The following NHSL2 variants were observed in gnomAD, a reference collection of about 807,000 sequenced individuals.
NHSL2 encodes NHS like 2, also known as NHS-like protein 2.
Under a neutral mutation model 53.4 loss-of-function variants are expected in NHSL2, and 27 were observed. The ratio of observed to expected loss-of-function variants is 0.51; its 90% CI spans 0.37 to 0.70. The LOEUF (loss-of-function observed/expected upper bound fraction) is 0.70, where lower values mean the gene tolerates loss of function less well. NHSL2 is among the 30% of genes least tolerant of loss of function. The probability of loss-of-function intolerance (pLI) is 0.00; values close to 1 mark genes in which losing one functional copy is unlikely to be tolerated. For synonymous variants in NHSL2, 408 were observed against 404.1 expected (o/e 1.01, Z -0.12); for missense variants, 892 against 980.1 (o/e 0.91, Z 1.20).
chrX:72,062,297 A>G (rs2042403558), intron 1 of NHSL2, among the ~76,000 whole-genome samples: 1 of 112,490 alleles, frequency 8.9e-6, no homozygotes, highest in African/African-American at 3.2e-5. Context: ...ATTTCTATTA[A>G]CAGTCATCTT....
intron 1 of NHSL2, among the ~76,000 whole-genome samples, chrX:72,081,952 A>G (rs1392057823): frequency 8.9e-6 from 1 of 112,140 alleles, no homozygotes; most frequent in Non-Finnish European, 1.9e-5. Flanking sequence ...ACCTCGACAG[A>G]CAGAGGCCAC....
chrX:72,034,145 A>G lies in NHSL2; in HGVS notation c.281-97934A>G, dbSNP rs1197321578. Reference sequence around the variant, plus strand: ...CATGTATGGGTGTTGGATTTTGCCAAATGATTTGCTGAATCCATTGATTGG... The same window carrying G: ...CATGTATGGGTGTTGGATTTTGCCAGATGATTTGCTGAATCCATTGATTGG... On this transcript the variant is annotated intron_variant, in intron 1 of 7. Transcript: ENST00000633930. Among the ~76,000 whole-genome samples the G allele has an allele frequency of 1.1e-4, 12 of 111,915 alleles. No homozygotes were observed. In the Admixed American group the frequency reaches 1.1e-3, roughly 11 times the overall value.
At chrX:71,967,825 A>G (rs2041907625) in intron 1 of NHSL2, among the ~76,000 whole-genome samples, 1 of 110,732 alleles carries the variant, frequency 9.0e-6, no homozygotes, top group Non-Finnish European at 1.9e-5. Flanking sequence ...ATGAGTTGTG[A>G]TTCTCTGTGT....
intron 1 of NHSL2, among the ~76,000 whole-genome samples, chrX:71,987,205 C>T (rs1047621729): frequency 1.8e-5 from 2 of 108,823 alleles, no homozygotes; most frequent in Non-Finnish European, 1.9e-5. Context: ...AGCGAGACTC[C>T]GTATCAAAAA....
intron 1 of NHSL2, among the ~76,000 whole-genome samples, chrX:72,098,441 C>T (rs892410002): frequency 1.8e-5 from 2 of 110,178 alleles, no homozygotes; most frequent in African/African-American, 3.3e-5. Context: ...ATTAGCCGGG[C>T]GTGGTGGCGG....
intron 1 of NHSL2, among the ~76,000 whole-genome samples, chrX:72,031,602 C>T (rs1304904906): frequency 9.0e-6 from 1 of 111,530 alleles, no homozygotes; most frequent in Non-Finnish European, 1.9e-5. Context: ...CCAACCTTGT[C>T]AGTGTTGTCA....
intron 4 of NHSL2, 75 bp from the exon 5 acceptor site, chrX:72,137,019 C>G (rs979811787): frequency 1.7e-4 from 144 of 872,311 alleles, no homozygotes; most frequent in Non-Finnish European, 2.0e-4. Flanking sequence ...CCATCATTCT[C>G]TTCTCTCAGG....
intron 1 of NHSL2, among the ~76,000 whole-genome samples, chrX:72,093,721 G>GCTTGCTTTCTTTCTTTCTTTCTTT (rs1216358306): frequency 2.1e-5 from 2 of 95,301 alleles, no homozygotes; most frequent in Admixed American, 1.1e-4. Flanking sequence ...TAGCTTGCTT[G>GCTTGCTTTCTTTCTTTCTTTCTTT]CTTTCTTTCT....
intron 1 of NHSL2, among the ~76,000 whole-genome samples, chrX:72,001,960 A>C (rs1253557288): frequency 8.9e-5 from 10 of 112,963 alleles, no homozygotes; most frequent in Non-Finnish European, 1.7e-4. Context: ...TGGTGAGCCA[A>C]ATAATAATGC....
At chrX:72,085,898 C>G (rs2041839114) in intron 1 of NHSL2, among the ~76,000 whole-genome samples, 1 of 110,229 alleles carries the variant, frequency 9.1e-6, no homozygotes, top group Admixed American at 9.7e-5. Flanking sequence ...CAGGCCAAGT[C>G]CTTTTTCTCC....
chrX:72,123,897 G>A (rs1190857226), intron 1 of NHSL2, among the ~76,000 whole-genome samples: 1 of 111,459 alleles, frequency 9.0e-6, no homozygotes, highest in Non-Finnish European at 1.9e-5. Flanking sequence ...CAGGCAGGAA[G>A]GGGAGAGGGG....
In NHSL2 at chrX:72,074,248, T is replaced by G. The variant is rs906741577; in HGVS notation, c.281-57831T>G. Among the ~76,000 whole-genome samples, 7 of 112,616 alleles carry G rather than the reference T, an allele frequency of 6.2e-5. 1 individual carries two copies. Among genetic ancestry groups the G allele is most frequent in the Non-Finnish European group, 9.4e-5 (5 of 53,356 alleles). On this transcript the variant is annotated intron_variant, in intron 1 of 7. Coordinates refer to ENST00000633930, the MANE Select transcript of NHSL2 (RefSeq NM_001013627.3). ...AAATGAGGAAATCATCTCATTACAT[T>G]TGCAAGGCATTTTTATAGTTGACCT...
intron 1 of NHSL2, among the ~76,000 whole-genome samples, chrX:72,084,933 C>G (rs761986687): frequency 1.8e-5 from 2 of 112,083 alleles, no homozygotes; most frequent in Non-Finnish European, 3.8e-5. Context: ...CAGGGAACTT[C>G]TGGTATCACC....
At position 72,112,234 on chromosome X, in the gene NHSL2, A is replaced by AT. The variant is rs200936868; in HGVS notation, c.281-19844dup. Among the ~76,000 whole-genome samples, 590 of 110,122 alleles carry AT rather than the reference A, an allele frequency of 5.4e-3. 3 individuals carry two copies. The highest frequency in any genetic ancestry group is 0.018 in the African/African-American group (550 of 30,212). On this transcript the variant is annotated intron_variant, in intron 1 of 7. Coordinates refer to ENST00000633930, the MANE Select transcript of NHSL2 (RefSeq NM_001013627.3). ...AGGCCGGATCATTCAGGCCTTATAG[A>AT]TCATGGTAAGGACTTTGCATTTTAG...
chrX:72,137,345 C>T (rs1304604914), intron 5 of NHSL2, 120 bp downstream of exon 5: 10 of 693,711 alleles, frequency 1.4e-5, no homozygotes, highest in Middle Eastern at 5.0e-4. Context: ...AGGGGGCCTC[C>T]GGATGTCCTG....
intron 1 of NHSL2, among the ~76,000 whole-genome samples, chrX:71,943,771 A>C (rs1326926510): frequency 8.9e-6 from 1 of 112,468 alleles, no homozygotes; most frequent in African/African-American, 3.2e-5. Flanking sequence ...TTTGGCCTGA[A>C]AGTAACAGAA....
At position 72,144,032 on chromosome X, in the gene NHSL2, G is replaced by C. The variant is rs1364907558; in HGVS notation, c.*458G>C. The C allele has an allele frequency of 8.1e-6, 1 of 123,552 alleles. No individual in the cohort carries two copies. Among genetic ancestry groups the C allele is most frequent in the Admixed American group, 8.5e-5 (1 of 11,727 alleles). 10.2% of individuals were successfully genotyped at this position (123,552 alleles called of 1,213,427 possible). A position where few individuals can be genotyped will look rare whatever the true frequency, so the allele number is the denominator to read the frequency against. Reference sequence around the variant, plus strand: ...TTCCTAGGGAGGCTCTGATGGCCCTGTGTGCAAACACAGAAAGACTCTGAT... The same window carrying C: ...TTCCTAGGGAGGCTCTGATGGCCCTCTGTGCAAACACAGAAAGACTCTGAT... On this transcript the variant is annotated 3_prime_UTR_variant, in exon 8 of 8. Coordinates refer to ENST00000633930, the MANE Select transcript of NHSL2 (RefSeq NM_001013627.3).
chrX:71,958,538 A>T (rs2041853466), intron 1 of NHSL2, among the ~76,000 whole-genome samples: 1 of 110,898 alleles, frequency 9.0e-6, no homozygotes, highest in African/African-American at 3.3e-5. Context: ...GAGTTGGGGG[A>T]GGGGGAGGGC....
chrX:72,057,711 G>T (rs1214750029), intron 1 of NHSL2, among the ~76,000 whole-genome samples: 2 of 111,931 alleles, frequency 1.8e-5, no homozygotes, highest in Non-Finnish European at 3.8e-5. Context: ...GATGCTCAAG[G>T]TCAGAGCTGT....
Sources: gnomAD v4.1 joint callset for allele counts (sites outside exome capture counted in the v4.1 genomes callset) on GRCh38, gnomAD v4.1.1 for gene constraint, MANE v1.5 for transcripts, NCBI Gene and HGNC (gene_info 2026-07-23, HGNC 2026-07-21) for gene names.